Variants in CTNNA3 observed in about 807,000 individuals in gnomAD.
CTNNA3 encodes the protein catenin alpha 3.
In CTNNA3, 76 loss-of-function variants were observed where a neutral mutation model predicts 95.7. That is an observed-to-expected ratio of 0.79 (90% CI 0.66 to 0.96). The LOEUF (loss-of-function observed/expected upper bound fraction) is 0.96, where lower values mean the gene tolerates loss of function less well. Among genes scored for constraint, CTNNA3 ranks in the 40% least tolerant of loss-of-function variants. CTNNA3 has a pLI of 0.00. For synonymous variants in CTNNA3, 431 were observed against 374.4 expected (o/e 1.15, Z -1.74); for missense variants, 1,191 against 1,089.8 (o/e 1.09, Z -1.31).
At chr10:67,731,213 G>GT (rs1340494612) in intron 1 of CTNNA3, among the ~76,000 whole-genome samples, 1 of 152,138 alleles carries the variant, frequency 6.6e-6, no homozygotes, top group Non-Finnish European at 1.5e-5. Flanking sequence ...AGGAAATGCT[G>GT]TTTTTTCATT....
At chr10:66,297,805 G>A (rs182077774) in intron 12 of CTNNA3, among the ~76,000 whole-genome samples, 38 of 152,246 alleles carry the variant, frequency 2.5e-4, no homozygotes, top group Non-Finnish European at 4.6e-4. Flanking sequence ...AGCTACTGCG[G>A]GTCTCATCCA....
At chr10:65,947,545 G>C (rs893487826) in intron 17 of CTNNA3, among the ~76,000 whole-genome samples, 4 of 152,268 alleles carry the variant, frequency 2.6e-5, no homozygotes, top group African/African-American at 9.6e-5. Context: ...TGTCCAGTGA[G>C]CAACCTTTCT....
chr10:67,360,859 C>T (rs886845927), intron 5 of CTNNA3, among the ~76,000 whole-genome samples: 28 of 152,140 alleles, frequency 1.8e-4, no homozygotes, highest in East Asian at 7.8e-4. Flanking sequence ...CTCACCAGGC[C>T]ACACCTCCAA....
chr10:67,551,317 T>C (rs564435078), intron 3 of CTNNA3, among the ~76,000 whole-genome samples: 2 of 152,098 alleles, frequency 1.3e-5, no homozygotes. Flanking sequence ...CATCGACCGG[T>C]GGAACGACGT....
At chr10:66,021,868 T>TTTTTTTTTTTTC (rs1392457132) in intron 15 of CTNNA3, among the ~76,000 whole-genome samples, 11 of 144,324 alleles carry the variant, frequency 7.6e-5, no homozygotes, top group African/African-American at 2.8e-4. Flanking sequence ...TTTTTTTTTT[T>TTTTTTTTTTTTC]AGATAGATAG....
intron 10 of CTNNA3, among the ~76,000 whole-genome samples, chr10:66,522,547 C>T (rs1334613246): frequency 2.0e-5 from 3 of 151,868 alleles, no homozygotes; most frequent in Admixed American, 6.6e-5. Context: ...TCTTTCCTGC[C>T]GCTACGTAAA....
chr10:66,959,200 T>C (rs1236084713), intron 7 of CTNNA3, among the ~76,000 whole-genome samples: 1 of 152,204 alleles, frequency 6.6e-6, no homozygotes, highest in Non-Finnish European at 1.5e-5. Flanking sequence ...ATTCAACTTT[T>C]TGACAATCTT....
At chr10:67,587,562 C>A (rs1324028765) in intron 3 of CTNNA3, among the ~76,000 whole-genome samples, 1 of 152,122 alleles carries the variant, frequency 6.6e-6, no homozygotes, top group Non-Finnish European at 1.5e-5. Context: ...TGTAAAGTTT[C>A]TGCTGAGAAG....
intron 1 of CTNNA3, among the ~76,000 whole-genome samples, chr10:67,720,406 A>C (rs571803585): frequency 2.2e-4 from 33 of 151,634 alleles, no homozygotes; most frequent in Non-Finnish European, 4.4e-4. Flanking sequence ...TTATGATGCT[A>C]GCTGGTTATT....
At chr10:65,937,287 G>A (rs1218949924) in intron 17 of CTNNA3, among the ~76,000 whole-genome samples, 2 of 151,650 alleles carry the variant, frequency 1.3e-5, no homozygotes, top group East Asian at 3.9e-4. Context: ...AATATGATTT[G>A]GATAATTACT....
chr10:67,519,958 G>A (rs2133153969), intron 5 of CTNNA3, among the ~76,000 whole-genome samples: 1 of 152,204 alleles, frequency 6.6e-6, no homozygotes, highest in Middle Eastern at 3.4e-3. Flanking sequence ...CTTTGACCCT[G>A]CCCATCAAGA....
At chr10:67,502,697 G>T (rs2133106965) in intron 5 of CTNNA3, among the ~76,000 whole-genome samples, 1 of 152,316 alleles carries the variant, frequency 6.6e-6, no homozygotes, top group African/African-American at 2.4e-5. Context: ...AGGCAGTCTG[G>T]CTACAGCGGC....
chr10:66,088,485 T>TTTTG (rs974682820), intron 14 of CTNNA3, among the ~76,000 whole-genome samples: 2 of 139,656 alleles, frequency 1.4e-5, no homozygotes, highest in South Asian at 2.4e-4. Context: ...GGTAGGTGTT[T>TTTTG]TGTGTGTGTG....
At chr10:66,015,125 A>AT (rs368221330) in intron 15 of CTNNA3, among the ~76,000 whole-genome samples, 2 of 130,094 alleles carry the variant, frequency 1.5e-5, no homozygotes, top group African/African-American at 2.8e-5. Context: ...AATAATAATA[A>AT]AATAAAATAA....
At chr10:67,377,448 T>C (rs1006698841) in intron 5 of CTNNA3, among the ~76,000 whole-genome samples, 2 of 152,206 alleles carry the variant, frequency 1.3e-5, no homozygotes, top group African/African-American at 4.8e-5. Flanking sequence ...ACTTTTCTAT[T>C]ATAAACTTGA....
chr10:66,438,893 A>T (rs1427497793), intron 11 of CTNNA3, among the ~76,000 whole-genome samples: 1 of 152,154 alleles, frequency 6.6e-6, no homozygotes, highest in African/African-American at 2.4e-5. Flanking sequence ...TATGGGCCAG[A>T]GTGCACTGTT....
At chr10:67,136,650 C>T (rs986546414) in intron 7 of CTNNA3, among the ~76,000 whole-genome samples, 3 of 151,982 alleles carry the variant, frequency 2.0e-5, no homozygotes, top group African/African-American at 7.2e-5. Context: ...CTACATTAAA[C>T]AAAATCAAGG....
intron 3 of CTNNA3, among the ~76,000 whole-genome samples, chr10:67,593,277 C>A (rs1174504357): frequency 6.6e-6 from 1 of 152,132 alleles, no homozygotes; most frequent in East Asian, 1.9e-4. Context: ...CTGCAGTGAA[C>A]ACATGAGTGT....
intron 13 of CTNNA3, among the ~76,000 whole-genome samples, chr10:66,121,466 A>G (rs112494227): frequency 6.6e-6 from 1 of 151,374 alleles, no homozygotes; most frequent in South Asian, 2.1e-4. Context: ...TACAACATAC[A>G]TACACACACA....
Sources: gnomAD v4.1 joint callset for allele counts (sites outside exome capture counted in the v4.1 genomes callset) on GRCh38, gnomAD v4.1.1 for gene constraint, MANE v1.5 for transcripts, NCBI Gene and HGNC (gene_info 2026-07-23, HGNC 2026-07-21) for gene names.